The following ZSWIM5 variants were observed in gnomAD, a reference collection of about 807,000 sequenced individuals.
ZSWIM5 encodes zinc finger SWIM domain-containing protein 5.
Under a neutral mutation model 119.6 loss-of-function variants are expected in ZSWIM5, and 55 were observed. That is an observed-to-expected ratio of 0.46 (90% CI 0.37 to 0.58). The LOEUF (loss-of-function observed/expected upper bound fraction) is 0.58. ZSWIM5 is among the 20% of genes least tolerant of loss of function. The pLI is 0.00. For missense variants in ZSWIM5, 1,193 were observed against 1,512.8 expected (o/e 0.79, Z 3.51); for synonymous variants, 537 against 606.9 (o/e 0.88, Z 1.69).
intron 1 of ZSWIM5, among the ~76,000 whole-genome samples, chr1:45,094,165 C>T (rs1204866108): frequency 6.6e-6 from 1 of 151,868 alleles, no homozygotes; most frequent in East Asian, 1.9e-4. Context: ...AAGTGATTCT[C>T]CCACCTCAGC....
chr1:45,191,922 T>C (rs1037970568), intron 1 of ZSWIM5, among the ~76,000 whole-genome samples: 2 of 152,186 alleles, frequency 1.3e-5, no homozygotes, highest in Admixed American at 1.3e-4. Flanking sequence ...AATTTGGTTA[T>C]TTAGTGTATT....
chr1:45,153,501 G>A (rs1645810202), intron 1 of ZSWIM5, among the ~76,000 whole-genome samples: 1 of 133,852 alleles, frequency 7.5e-6, no homozygotes, highest in Non-Finnish European at 1.6e-5. Flanking sequence ...GTGAGACTCT[G>A]TCTCAAAAAA....
At chr1:45,105,867 C>T (rs1645471115) in intron 1 of ZSWIM5, among the ~76,000 whole-genome samples, 1 of 144,362 alleles carries the variant, frequency 6.9e-6, no homozygotes, top group Non-Finnish European at 1.5e-5. Flanking sequence ...CCTGGCCGCC[C>T]CATCTGAGAA....
chr1:45,020,834 T>C, intron 11 of ZSWIM5, 46 bp from the exon 12 acceptor site: 1 of 1,590,836 alleles, frequency 6.3e-7, no homozygotes, highest in Non-Finnish European at 8.6e-7. Context: ...AAAGTTTTAC[T>C]AAACAGTCAG....
At chr1:45,043,160 T>C in intron 6 of ZSWIM5, 59 bp downstream of exon 6, 1 of 1,562,204 alleles carries the variant, frequency 6.4e-7, no homozygotes, top group African/African-American at 1.4e-5. Flanking sequence ...AGATGGCTCA[T>C]TTGGGCCTGG....
intron 1 of ZSWIM5, among the ~76,000 whole-genome samples, chr1:45,098,832 G>A (rs1055166633): frequency 6.6e-6 from 1 of 152,168 alleles, no homozygotes; most frequent in Non-Finnish European, 1.5e-5. Context: ...CAGAAATAAA[G>A]ATGTTCTTTG....
intron 1 of ZSWIM5, among the ~76,000 whole-genome samples, chr1:45,154,508 A>T (rs1557782337): frequency 6.6e-5 from 10 of 152,208 alleles, no homozygotes. Flanking sequence ...CACCCTACTC[A>T]ACAAATGGTG....
intron 1 of ZSWIM5, among the ~76,000 whole-genome samples, chr1:45,124,787 T>G (rs1018371931): frequency 6.6e-6 from 1 of 152,158 alleles, no homozygotes; most frequent in Non-Finnish European, 1.5e-5. Context: ...ATGAAAACAT[T>G]AATCAAAAGA....
At position 45,051,150 on chromosome 1, in the gene ZSWIM5, G is replaced by T; in HGVS notation, c.1356C>A (p.Pro452=). ...LQKWSDLDVC[P]LEDGNYGHEL... ...CATGTCCATAGTTTCCATCCTCCAG[G>T]GGACAGACATCCAGGTCGCTCCACT... Residue 452 remains proline (P), a synonymous_variant, in exon 5 of 14, where the codon CCC becomes CCA. Coordinates refer to ENST00000359600, the MANE Select transcript of ZSWIM5 (RefSeq NM_020883.2). 6.2e-7 allele frequency: 1 copy of T among 1,614,168 alleles called. No homozygotes were observed. Among genetic ancestry groups the T allele is most frequent in the Non-Finnish European group, 8.5e-7 (1 of 1,180,030 alleles).
At chr1:45,069,426 CAAA>C (rs780000992) in intron 2 of ZSWIM5, among the ~76,000 whole-genome samples, 3 of 103,554 alleles carry the variant, frequency 2.9e-5, no homozygotes, top group Admixed American at 1.0e-4. Flanking sequence ...ACTCCGTCTC[CAAA>C]AAAAAAAAAA....
chr1:45,053,689 G>T (rs1645103391), intron 4 of ZSWIM5, among the ~76,000 whole-genome samples: 1 of 146,730 alleles, frequency 6.8e-6, no homozygotes, highest in Non-Finnish European at 1.5e-5. Flanking sequence ...CTTGAGTCCA[G>T]GAGGCAAAGG....
intron 1 of ZSWIM5, among the ~76,000 whole-genome samples, chr1:45,089,246 T>C (rs898108273): frequency 6.6e-6 from 1 of 152,176 alleles, no homozygotes; most frequent in African/African-American, 2.4e-5. Flanking sequence ...CCTCCCAAAG[T>C]GCTGGGATTA....
intron 4 of ZSWIM5, among the ~76,000 whole-genome samples, chr1:45,053,926 C>T (rs1201677650): frequency 1.3e-5 from 2 of 152,026 alleles, no homozygotes; most frequent in African/African-American, 4.8e-5. Context: ...TACTAGTTGC[C>T]TGTATAAAAC....
At chr1:45,073,386 G>A (rs1298115037) in intron 2 of ZSWIM5, among the ~76,000 whole-genome samples, 3 of 149,778 alleles carry the variant, frequency 2.0e-5, no homozygotes, top group Non-Finnish European at 2.9e-5. Flanking sequence ...AGCTTCCCAA[G>A]TAGCTGGGAT....
rs182161997 is a variant in ZSWIM5 at position 45,204,826 on chromosome 1, G to C, written c.595+930C>G. Among the ~76,000 whole-genome samples, 4 of 152,116 alleles carry C rather than the reference G, an allele frequency of 2.6e-5. No homozygotes were observed. The East Asian group carries it at 7.7e-4, about 29-fold the overall frequency. On this transcript the variant is annotated intron_variant, in intron 1 of 13. Coordinates refer to ENST00000359600, the MANE Select transcript of ZSWIM5 (RefSeq NM_020883.2). Reference sequence around the variant, plus strand: ...TAATAATCCAAATAGAAAAAAATTCGTGTTTTAATTTTCCACATAGCAAAG... The same window carrying C: ...TAATAATCCAAATAGAAAAAAATTCCTGTTTTAATTTTCCACATAGCAAAG...
At chr1:45,193,955 T>TATATATATATATATATATATATATAC (rs1553202842) in intron 1 of ZSWIM5, among the ~76,000 whole-genome samples, 1 of 151,678 alleles carries the variant, frequency 6.6e-6, no homozygotes, top group African/African-American at 2.4e-5. Context: ...TATATATATA[T>TATATATATATATATATATATATATAC]ACATACATGC....
rs186331095 is a variant in ZSWIM5, at chr1:45,109,072, C to T, written c.596-20835G>A. ...CACCCTCTAGCTCTAGTCTTTTGTT[C>T]CATCTTGCAACTTGACCTGTATGGG... On this transcript the variant is annotated intron_variant, in intron 1 of 13. Transcript: ENST00000359600. Among the ~76,000 whole-genome samples the T allele has an allele frequency of 1.3e-3, 203 of 152,306 alleles. 1 individual carries two copies. Among genetic ancestry groups the T allele is most frequent in the Non-Finnish European group, 2.4e-3 (165 of 68,022 alleles).
intron 1 of ZSWIM5, among the ~76,000 whole-genome samples, chr1:45,162,818 C>T (rs1373048443): frequency 6.6e-6 from 1 of 152,228 alleles, no homozygotes; most frequent in African/African-American, 2.4e-5. Flanking sequence ...GCAAAGCTGC[C>T]AGGAAGCTCA....
At chr1:45,139,590 T>C (rs1323019448) in intron 1 of ZSWIM5, among the ~76,000 whole-genome samples, 2 of 148,762 alleles carry the variant, frequency 1.3e-5, no homozygotes, top group Non-Finnish European at 3.0e-5. Flanking sequence ...CAATCCTCCC[T>C]CCTGTTTGAG....
Sources: gnomAD v4.1 joint callset for allele counts (sites outside exome capture counted in the v4.1 genomes callset) on GRCh38, gnomAD v4.1.1 for gene constraint, MANE v1.5 for transcripts, NCBI Gene and HGNC (gene_info 2026-07-23, HGNC 2026-07-21) for gene names.